Variants in MAST4 observed in about 807,000 individuals in gnomAD.
MAST4 encodes the protein microtubule associated serine/threonine kinase family member 4, also known as microtubule-associated serine/threonine-protein kinase 4.
MAST4 carries 89 observed loss-of-function variants against 162.7 expected under a neutral mutation model. The ratio of observed to expected loss-of-function variants is 0.55; its 90% CI spans 0.46 to 0.65. The LOEUF (loss-of-function observed/expected upper bound fraction) is 0.65. MAST4 is among the 30% of genes least tolerant of loss of function. The pLI is 0.00. For missense variants in MAST4, 3,153 were observed against 3,374.0 expected (o/e 0.93, Z 1.62); for synonymous variants, 1,479 against 1,361.1 (o/e 1.09, Z -1.91).
intron 4 of MAST4, chr5:66,917,231 A>G: frequency 2.1e-6 from 1 of 486,876 alleles, no homozygotes; most frequent in Non-Finnish European, 3.7e-6. Flanking sequence ...TTTACTCTTC[A>G]TTTACATTTC....
At chr5:66,678,796 A>AT (rs11311474) in intron 1 of MAST4, among the ~76,000 whole-genome samples, 5,023 of 146,298 alleles carry the variant, frequency 0.034, 293 homozygotes, top group African/African-American at 0.12. Context: ...CCGGCCCCCA[A>AT]TTTTTTTTTT....
intron 3 of MAST4, among the ~76,000 whole-genome samples, chr5:66,849,663 C>T (rs1238936515): frequency 6.6e-6 from 1 of 152,198 alleles, no homozygotes; most frequent in Non-Finnish European, 1.5e-5. Context: ...TTGCCTGTCT[C>T]TTTCCACCCT....
chr5:66,787,027 T>C (rs576487532), intron 2 of MAST4, among the ~76,000 whole-genome samples: 4 of 152,366 alleles, frequency 2.6e-5, no homozygotes, highest in African/African-American at 9.6e-5. Flanking sequence ...ATAGTGGTTT[T>C]ATCTGGTGTG....
At chr5:66,910,408 T>C (rs1763663721) in intron 4 of MAST4, among the ~76,000 whole-genome samples, 1 of 152,158 alleles carries the variant, frequency 6.6e-6, no homozygotes, top group Admixed American at 6.5e-5. Flanking sequence ...AGCAGCTGAA[T>C]TCTGTATTGT....
intron 3 of MAST4, among the ~76,000 whole-genome samples, chr5:66,852,045 TA>T (rs1759351928): frequency 2.0e-5 from 3 of 152,202 alleles, no homozygotes. Flanking sequence ...AAATATATAA[TA>T]ATCTACCATG....
chr5:67,026,977 T>G (rs1169785408), intron 4 of MAST4, among the ~76,000 whole-genome samples: 1 of 152,174 alleles, frequency 6.6e-6, no homozygotes, highest in Admixed American at 6.5e-5. Flanking sequence ...TCCAAATATA[T>G]CATGTTAAAT....
chr5:66,845,992 A>G (rs952451034), intron 3 of MAST4, among the ~76,000 whole-genome samples: 10 of 152,282 alleles, frequency 6.6e-5, no homozygotes, highest in Admixed American at 3.3e-4. Flanking sequence ...AGTGCTTTAC[A>G]TGTATCAGTT....
intron 3 of MAST4, among the ~76,000 whole-genome samples, chr5:66,850,068 C>T (rs1312012305): frequency 6.6e-6 from 1 of 152,162 alleles, no homozygotes; most frequent in East Asian, 1.9e-4. Flanking sequence ...TGCAGAATTC[C>T]AGGTAAAGAA....
At chr5:66,883,075 TAAAC>T (rs561129491) in intron 3 of MAST4, among the ~76,000 whole-genome samples, 53 of 152,286 alleles carry the variant, frequency 3.5e-4, no homozygotes, top group African/African-American at 1.2e-3. Context: ...AGGACATAAA[TAAAC>T]CTTGAAAATG....
chr5:66,673,719 C>T (rs181277874), intron 1 of MAST4, among the ~76,000 whole-genome samples: 158 of 152,230 alleles, frequency 1.0e-3, no homozygotes, highest in African/African-American at 3.7e-3. Flanking sequence ...TGGTCTCAGA[C>T]TCCTGACCTC....
intron 4 of MAST4, among the ~76,000 whole-genome samples, chr5:67,028,853 G>C (rs1754977572): frequency 6.6e-6 from 1 of 152,074 alleles, no homozygotes; most frequent in African/African-American, 2.4e-5. Flanking sequence ...CCACCGCCGG[G>C]CATGGTGACT....
chr5:66,642,143 A>G (rs1431153527), intron 1 of MAST4, among the ~76,000 whole-genome samples: 1 of 152,180 alleles, frequency 6.6e-6, no homozygotes, highest in Non-Finnish European at 1.5e-5. Flanking sequence ...CCTAGGATAT[A>G]TTCTTGAAAA....
At chr5:67,012,897 A>G (rs904369500) in intron 4 of MAST4, among the ~76,000 whole-genome samples, 1 of 152,226 alleles carries the variant, frequency 6.6e-6, no homozygotes, top group Non-Finnish European at 1.5e-5. Flanking sequence ...TAATATCACA[A>G]CTGACATATC....
chr5:66,853,982 A>G (rs1759496771), intron 3 of MAST4, among the ~76,000 whole-genome samples: 1 of 152,308 alleles, frequency 6.6e-6, no homozygotes, highest in South Asian at 2.1e-4. Flanking sequence ...GGGAAGTTGC[A>G]TAAATAGATT....
At chr5:67,084,666 A>AAT (rs1437001480) in intron 5 of MAST4, among the ~76,000 whole-genome samples, 3 of 152,174 alleles carry the variant, frequency 2.0e-5, no homozygotes, top group African/African-American at 7.2e-5. Flanking sequence ...AGAGAAATGG[A>AAT]ATATTGTCTG....
intron 3 of MAST4, among the ~76,000 whole-genome samples, chr5:66,879,361 C>CAT (rs70987144): frequency 1.9e-3 from 106 of 55,052 alleles, no homozygotes; most frequent in East Asian, 0.014. Flanking sequence ...CACACACACA[C>CAT]ATATATATAT....
At chr5:67,125,494 C>T (rs4700173) in intron 14 of MAST4, among the ~76,000 whole-genome samples, 8,047 of 152,030 alleles carry the variant, frequency 0.053, 274 homozygotes, top group East Asian at 0.1. Flanking sequence ...CGAGTGAGAA[C>T]ATGTGGTATT....
chr5:66,721,759 G>A (rs544205920), intron 1 of MAST4, among the ~76,000 whole-genome samples: 1 of 150,982 alleles, frequency 6.6e-6, no homozygotes, highest in South Asian at 2.1e-4. Context: ...AACTTAATCT[G>A]TGTTCTGAAC....
At chr5:66,850,823 A>G (rs1011244940) in intron 3 of MAST4, among the ~76,000 whole-genome samples, 2 of 152,156 alleles carry the variant, frequency 1.3e-5, no homozygotes, top group Non-Finnish European at 2.9e-5. Context: ...TTCTTGCCTA[A>G]CAGAAATTAC....
Sources: gnomAD v4.1 joint callset for allele counts (sites outside exome capture counted in the v4.1 genomes callset) on GRCh38, gnomAD v4.1.1 for gene constraint, MANE v1.5 for transcripts, NCBI Gene and HGNC (gene_info 2026-07-23, HGNC 2026-07-21) for gene names.